Variants in USP15 observed in about 807,000 individuals in gnomAD.
USP15 encodes ubiquitin specific peptidase 15.
A neutral mutation model predicts 127.1 loss-of-function variants in USP15; 18 were observed. The ratio of observed to expected loss-of-function variants is 0.14; its 90% CI spans 0.10 to 0.21. USP15 has a LOEUF of 0.21. Among genes scored for constraint, USP15 ranks in the 10% least tolerant of loss-of-function variants. The probability of loss-of-function intolerance (pLI) is 1.00; values close to 1 mark genes in which losing one functional copy is unlikely to be tolerated. For missense variants in USP15, 805 were observed against 1,159.9 expected (o/e 0.69, Z 4.44); for synonymous variants, 364 against 393.7 (o/e 0.92, Z 0.89).
At chr12:62,294,986 A>G (rs2064085120) in intron 2 of USP15, among the ~76,000 whole-genome samples, 1 of 152,202 alleles carries the variant, frequency 6.6e-6, no homozygotes, top group Admixed American at 6.5e-5. Context: ...GAGATTTCCA[A>G]GACACAACAT....
chr12:62,343,847 G>A lies in USP15; in HGVS notation c.684-5374G>A, dbSNP rs191210148. On this transcript the variant is annotated intron_variant, in intron 6 of 21. Transcript: ENST00000280377. ...GAGCTGTTTCTATTTGGCCATCTTG[G>A]CCCCTCCCCGAAACTGCCATTTTTA... Among the ~76,000 whole-genome samples the A allele has an allele frequency of 2.2e-3, 337 of 152,164 alleles. 2 individuals carry two copies. Among genetic ancestry groups the A allele is most frequent in the African/African-American group, 8.0e-3 (332 of 41,508 alleles).
At chr12:62,363,400 C>T (rs973804355) in intron 8 of USP15, among the ~76,000 whole-genome samples, 3 of 152,138 alleles carry the variant, frequency 2.0e-5, no homozygotes, top group African/African-American at 4.8e-5. Context: ...GTTCCATCCT[C>T]ACCCTCACAT....
chr12:62,261,091 GAACC>G (rs1170977770), intron 1 of USP15, among the ~76,000 whole-genome samples: 2 of 152,096 alleles, frequency 1.3e-5, no homozygotes, highest in Non-Finnish European at 2.9e-5. Context: ...GAGGAGTAGG[GAACC>G]TTGGGCTTAT....
intron 3 of USP15, among the ~76,000 whole-genome samples, chr12:62,313,761 A>C (rs2064749619): frequency 6.6e-6 from 1 of 151,808 alleles, no homozygotes; most frequent in African/African-American, 2.4e-5. Flanking sequence ...AATTGTAACA[A>C]GTATGATTAA....
intron 2 of USP15, among the ~76,000 whole-genome samples, chr12:62,299,136 T>A (rs952060041): frequency 4.6e-5 from 7 of 152,160 alleles, no homozygotes; most frequent in African/African-American, 1.7e-4. Context: ...GTTTATTTTA[T>A]TTTTTGAGAT....
intron 3 of USP15, among the ~76,000 whole-genome samples, chr12:62,308,806 T>C (rs776202613): frequency 6.6e-6 from 1 of 152,174 alleles, no homozygotes; most frequent in South Asian, 2.1e-4. Flanking sequence ...CTGTCATTAG[T>C]GGGATTAAGC....
At chr12:62,395,540 GTTA>G (rs773750183) in intron 19 of USP15, among the ~76,000 whole-genome samples, 2 of 150,942 alleles carry the variant, frequency 1.3e-5, no homozygotes, top group African/African-American at 2.4e-5. Context: ...GTATAATTAA[GTTA>G]TTATTGACTA....
Position 62,389,417 on chromosome 12 carries a change from T to G in USP15, c.1474-14T>G. 2 of 1,598,072 alleles carry G rather than the reference T, an allele frequency of 1.3e-6. No homozygotes were observed. Among genetic ancestry groups the G allele is most frequent in the African/African-American group, 2.7e-5 (2 of 73,932 alleles). On this transcript the variant is annotated splice_polypyrimidine_tract_variant and intron_variant, in intron 11 of 21. Transcript: ENST00000280377. ...CAAAATAATAAATTCATTACAATTT[T>G]TTTTGTTTTTTAGTACAAAGTGGTT...
At chr12:62,300,938 G>GAGA (rs1446516726) in intron 2 of USP15, among the ~76,000 whole-genome samples, 2 of 152,250 alleles carry the variant, frequency 1.3e-5, no homozygotes, top group East Asian at 3.9e-4. Flanking sequence ...AGAAAGAAAA[G>GAGA]AGAAGCCACA....
Position 62,401,264 on chromosome 12 carries a change from G to A in USP15, c.2752G>A (p.Asp918Asn), listed in dbSNP as rs774182691. The A allele has an allele frequency of 3.1e-6, 5 of 1,611,348 alleles. 1 individual carries two copies. The South Asian group carries it at 4.4e-5, about 14-fold the overall frequency. ...DDSSVSTASE[D>N]QIVSKAAYVL... ...CAGTAGTGTCTCCACTGCATCTGAA[G>A]ACCAAATTGTGGTAAGTTTGTCTTA... is the stretch of plus-strand genomic sequence containing the variant. Residue 918 changes from aspartate (D) to asparagine (N), a missense_variant, in exon 21 of 22, where the codon GAC (aspartate) becomes AAC (asparagine). Asp to Asn is a conservative substitution (Grantham distance 23). Around this residue, in one of 11 missense-constraint regions of USP15, gnomAD observed 116 missense variants for 157.2 expected, o/e 0.74. Coordinates refer to ENST00000280377, the MANE Select transcript of USP15 (RefSeq NM_001252078.2).
At chr12:62,388,909 A>G (rs972496874) in intron 11 of USP15, among the ~76,000 whole-genome samples, 21 of 152,164 alleles carry the variant, frequency 1.4e-4, no homozygotes, top group African/African-American at 5.1e-4. Context: ...GCAGAAGGTC[A>G]CTTGAATCCA....
Position 62,381,752 on chromosome 12 carries a change from A to G in USP15, c.1089+89A>G. ...ATAGGGGGAGTGAAAAATAGTAGCT[A>G]TTACAATGGTTTGTGGCCCTCCAAA... On this transcript the variant is annotated intron_variant, in intron 9 of 21. Transcript: ENST00000280377. 7.5e-6 allele frequency: 10 copies of G among 1,328,818 alleles called. No individual in the cohort carries two copies. The South Asian group carries it at 1.4e-4, about 18-fold the overall frequency. 82.3% of individuals were successfully genotyped at this position (1,328,818 alleles called of 1,614,324 possible). A position where few individuals can be genotyped will look rare whatever the true frequency, so the allele number is the denominator to read the frequency against.
At chr12:62,294,091 A>G in intron 1 of USP15, 88 bp from the exon 2 acceptor site, 2 of 1,392,612 alleles carry the variant, frequency 1.4e-6, no homozygotes, top group Non-Finnish European at 2.0e-6. Flanking sequence ...GTCTTTTAAT[A>G]TAAAAGGAAA....
chr12:62,279,356 A>C (rs1592481682), intron 1 of USP15, among the ~76,000 whole-genome samples: 2 of 151,676 alleles, frequency 1.3e-5, no homozygotes, highest in Admixed American at 6.6e-5. Context: ...ATAGTACTCC[A>C]TTTTTCTTTA....
chr12:62,272,673 A>G (rs916727717), intron 1 of USP15, among the ~76,000 whole-genome samples: 4 of 152,004 alleles, frequency 2.6e-5, no homozygotes, highest in African/African-American at 9.7e-5. Flanking sequence ...TTACATTCAT[A>G]TAGTAGCTTT....
At chr12:62,318,104 C>G (rs963483890) in intron 4 of USP15, among the ~76,000 whole-genome samples, 1 of 152,200 alleles carries the variant, frequency 6.6e-6, no homozygotes, top group Non-Finnish European at 1.5e-5. Context: ...TAAGCACACA[C>G]TGTCAGTCCT....
Position 62,409,634 on chromosome 12 carries a change from T to A in USP15, c.*5259T>A, listed in dbSNP as rs1360866502. The A allele has an allele frequency of 6.6e-6, 1 of 152,146 alleles. No individual in the cohort carries two copies. The highest frequency in any genetic ancestry group is 1.5e-5 in the Non-Finnish European group (1 of 68,010). 9.4% of individuals were successfully genotyped at this position (152,146 alleles called of 1,614,324 possible). A position where few individuals can be genotyped will look rare whatever the true frequency, so the allele number is the denominator to read the frequency against. On this transcript the variant is annotated 3_prime_UTR_variant, in exon 22 of 22. Coordinates refer to ENST00000280377, the MANE Select transcript of USP15 (RefSeq NM_001252078.2). ...GTTTGGTGAAACAAACAAAACAGTTTTTATCTGCTGTGACATTTAAGTTTG... is the reference window on the plus strand; with the variant it reads ...GTTTGGTGAAACAAACAAAACAGTTATTATCTGCTGTGACATTTAAGTTTG...
At chr12:62,319,924 C>CGAG (rs1166845430) in intron 4 of USP15, among the ~76,000 whole-genome samples, 1 of 152,124 alleles carries the variant, frequency 6.6e-6, no homozygotes, top group Non-Finnish European at 1.5e-5. Flanking sequence ...TAAAACAGCT[C>CGAG]CCTTCCTTGG....
chr12:62,307,376 C>T (rs572509387), intron 3 of USP15, among the ~76,000 whole-genome samples: 28 of 152,178 alleles, frequency 1.8e-4, no homozygotes, highest in Admixed American at 7.2e-4. Flanking sequence ...AGTATTTGTC[C>T]AGGTAGATTT....
Sources: gnomAD v4.1 joint callset for allele counts (sites outside exome capture counted in the v4.1 genomes callset) on GRCh38, gnomAD v4.1.1 for gene constraint, gnomAD v4.1.1 regional missense constraint, MANE v1.5 for transcripts, NCBI Gene and HGNC (gene_info 2026-07-23, HGNC 2026-07-21) for gene names.